Variants in CCDC125 observed in about 807,000 individuals in gnomAD.
The protein encoded by CCDC125 is coiled-coil domain-containing protein 125.
A neutral mutation model predicts 57.4 loss-of-function variants in CCDC125; 43 were observed. The observed-to-expected ratio is 0.75, with a 90% confidence interval of 0.59 to 0.97. CCDC125 has a LOEUF of 0.97. Ranked by LOEUF, CCDC125 falls within the 50% of genes least tolerant of loss-of-function variation. CCDC125 has a pLI of 0.00. For missense variants in CCDC125, 563 were observed against 595.7 expected, an observed-to-expected ratio of 0.95 and a Z score of 0.57; for synonymous variants, 187 against 195.2, an observed-to-expected ratio of 0.96 and a Z score of 0.35.
At chr5:69,331,217 G>A (rs1409327669) in intron 1 of CCDC125, among the ~76,000 whole-genome samples, 1 of 151,814 alleles carries the variant, frequency 6.6e-6, no homozygotes, top group African/African-American at 2.4e-5. Context: ...CAGGAGAATC[G>A]CTTGAACTTG....
chr5:69,291,501 T>G (rs977828327), intron 10 of CCDC125, among the ~76,000 whole-genome samples: 1 of 152,048 alleles, frequency 6.6e-6, no homozygotes, highest in African/African-American at 2.4e-5. Context: ...ATTACAGGCA[T>G]GTGCTACCAC....
At chr5:69,311,092 G>C (rs1758055518) in intron 4 of CCDC125, 26 bp downstream of exon 4, 1 of 1,456,660 alleles carries the variant, frequency 6.9e-7, no homozygotes, top group African/African-American at 1.4e-5. Context: ...TGTGTAAATG[G>C]TGAAAGTTTA....
rs1352985904 is a variant in CCDC125 at position 69,292,348 on chromosome 5, C to T, written c.939G>A (p.Gln313=). ...TCACGTAAGCTTCTTCTTTACTCTTCTGCAAAATTTCCAACTGATTTTGAA... is the reference window on the plus strand; with the variant it reads ...TCACGTAAGCTTCTTCTTTACTCTTTTGCAAAATTTCCAACTGATTTTGAA... ...LQLKQELEIL[Q]KSKEEAYVMA... Residue 313 remains glutamine, a synonymous_variant, in exon 10 of 12, where the codon CAG becomes CAA. Coordinates refer to ENST00000396496, the MANE Select transcript of CCDC125 (RefSeq NM_176816.5). 6.2e-7 allele frequency: 1 copy of T among 1,611,556 alleles called. No homozygotes were observed. The highest frequency in any genetic ancestry group is 8.5e-7 in the Non-Finnish European group (1 of 1,179,372).
chr5:69,327,031 C>G (rs1561191165), intron 1 of CCDC125, among the ~76,000 whole-genome samples: 1 of 152,012 alleles, frequency 6.6e-6, no homozygotes, highest in Non-Finnish European at 1.5e-5. Flanking sequence ...GAGCAAGACC[C>G]TGTCTCTAAA....
intron 1 of CCDC125, among the ~76,000 whole-genome samples, chr5:69,331,365 G>A (rs548971745): frequency 7.9e-5 from 12 of 151,628 alleles, no homozygotes; most frequent in South Asian, 6.3e-4. Context: ...CCCCAGTAGC[G>A]GAGATTACAG....
chr5:69,296,140 C>T (rs1755284696), intron 8 of CCDC125, among the ~76,000 whole-genome samples: 1 of 152,036 alleles, frequency 6.6e-6, no homozygotes, highest in East Asian at 1.9e-4. Context: ...CCTCAGCCTC[C>T]CAAAGTGCTG....
downstream of CCDC125, among the ~76,000 whole-genome samples, chr5:69,277,988 C>G (rs1205191381): frequency 6.6e-6 from 1 of 152,154 alleles, no homozygotes; most frequent in Admixed American, 6.5e-5. Context: ...AAGTGATTCA[C>G]TTGCTTCAGC....
chr5:69,324,364 G>C (rs534524752), intron 1 of CCDC125, among the ~76,000 whole-genome samples: 1 of 152,290 alleles, frequency 6.6e-6, no homozygotes, highest in South Asian at 2.1e-4. Context: ...TGGAGTAACT[G>C]AAACTCTCAT....
intron 1 of CCDC125, among the ~76,000 whole-genome samples, chr5:69,323,165 C>T (rs1301208409): frequency 2.6e-5 from 4 of 151,442 alleles, no homozygotes; most frequent in African/African-American, 7.3e-5. Context: ...AAAAATTAGC[C>T]GGGCATTGTG....
intron 7 of CCDC125, among the ~76,000 whole-genome samples, chr5:69,300,972 A>G (rs1205554446): frequency 1.3e-5 from 2 of 150,702 alleles, no homozygotes; most frequent in African/African-American, 2.4e-5. Context: ...GCTCACTGCA[A>G]CTTCAAACTC....
intron 2 of CCDC125, among the ~76,000 whole-genome samples, chr5:69,315,598 A>G (rs1758934959): frequency 6.6e-6 from 1 of 151,252 alleles, no homozygotes; most frequent in South Asian, 2.1e-4. Context: ...CTCTACTAAC[A>G]AATACAAAAA....
Position 69,291,089 on chromosome 5 carries a change from A to G in CCDC125, c.1099+1099T>C, listed in dbSNP as rs185339543. Among the ~76,000 whole-genome samples the G allele has an allele frequency of 2.9e-3, 442 of 152,354 alleles. 3 individuals are homozygous for G. Among genetic ancestry groups the G allele is most frequent in the Non-Finnish European group, 4.0e-3 (269 of 68,028 alleles). ...AAATATTTAGAAATACAGTCATCCT[A>G]GAATTTTTCTACAAAACATTTAAAA... On this transcript the variant is annotated intron_variant, in intron 10 of 11. Transcript: ENST00000396496.
At chr5:69,326,119 G>A (rs1229349419) in intron 1 of CCDC125, among the ~76,000 whole-genome samples, 1 of 152,132 alleles carries the variant, frequency 6.6e-6, no homozygotes, top group Non-Finnish European at 1.5e-5. Context: ...TTACAGGCAT[G>A]AGCTACCACC....
intron 2 of CCDC125, among the ~76,000 whole-genome samples, chr5:69,317,607 A>G (rs991630613): frequency 1.3e-5 from 2 of 152,178 alleles, no homozygotes; most frequent in African/African-American, 2.4e-5. Context: ...CATAGATTAC[A>G]AAATATTTAG....
chr5:69,297,116 A>G (rs1755470397), intron 8 of CCDC125, among the ~76,000 whole-genome samples: 4 of 152,134 alleles, frequency 2.6e-5, no homozygotes, highest in Admixed American at 2.0e-4. Context: ...CATAGGCTGG[A>G]GTGCAGTGGT....
downstream of CCDC125, chr5:69,276,573 C>T (rs1219644441): frequency 6.2e-7 from 1 of 1,613,382 alleles, no homozygotes; most frequent in Non-Finnish European, 8.5e-7. Context: ...CAGTAATCGG[C>T]CAGGGCCAAC....
intron 1 of CCDC125, among the ~76,000 whole-genome samples, chr5:69,324,139 A>G (rs2150641892): frequency 6.6e-6 from 1 of 152,310 alleles, no homozygotes; most frequent in East Asian, 1.9e-4. Context: ...AAATCTGACC[A>G]TGTATTAAGG....
chr5:69,317,781 G>A (rs905705936), intron 2 of CCDC125, among the ~76,000 whole-genome samples: 4 of 152,054 alleles, frequency 2.6e-5, no homozygotes, highest in South Asian at 4.1e-4. Flanking sequence ...TAACTGTTTT[G>A]ACAATTTTTG....
At chr5:69,296,171 C>T (rs577178497) in intron 8 of CCDC125, among the ~76,000 whole-genome samples, 10 of 152,006 alleles carry the variant, frequency 6.6e-5, no homozygotes, top group African/African-American at 2.2e-4. Flanking sequence ...CATGAGCCAT[C>T]GCACCCGGCC....
Sources: gnomAD v4.1 joint callset for allele counts (sites outside exome capture counted in the v4.1 genomes callset) on GRCh38, gnomAD v4.1.1 for gene constraint, MANE v1.5 for transcripts, NCBI Gene and HGNC (gene_info 2026-07-23, HGNC 2026-07-21) for gene names.